TSHR: variants seen among roughly 807,000 people sequenced by gnomAD.
TSHR encodes thyrotropin receptor.
In TSHR, 51 loss-of-function variants were observed where a neutral mutation model predicts 64.1. The observed-to-expected ratio is 0.80, with a 90% CI of 0.64 to 1.01. The LOEUF (loss-of-function observed/expected upper bound fraction) is 1.01. Among genes scored for constraint, TSHR ranks in the 50% least tolerant of loss-of-function variants. The pLI is 0.00. For missense variants in TSHR, 877 were observed against 942.8 expected, an observed-to-expected ratio of 0.93 and a Z score of 0.91; for synonymous variants, 361 against 361.9, an observed-to-expected ratio of 1.00 and a Z score of 0.03.
intron 7 of TSHR, among the ~76,000 whole-genome samples, chr14:81,096,930 G>GTGTC: frequency 6.6e-6 from 1 of 151,512 alleles, no homozygotes; most frequent in Admixed American, 6.6e-5. Flanking sequence ...CCTGGTGTGT[G>GTGTC]TGTGTGTGTG....
At chr14:81,084,994 C>T (rs1055214050) in intron 3 of TSHR, among the ~76,000 whole-genome samples, 4 of 152,172 alleles carry the variant, frequency 2.6e-5, no homozygotes, top group Non-Finnish European at 4.4e-5. Context: ...CAGAGTCTTG[C>T]TTTTTCGCCC....
intron 7 of TSHR, among the ~76,000 whole-genome samples, chr14:81,099,201 T>G (rs1889410527): frequency 6.6e-6 from 1 of 152,002 alleles, no homozygotes; most frequent in Non-Finnish European, 1.5e-5. Context: ...TAAAATACAT[T>G]ATCAGTCTTC....
rs200401152 is a variant in TSHR at position 80,955,850 on chromosome 14, T to C, written c.170T>C (p.Leu57Pro). The change falls in exon 1 of 10, where the codon CTG (leucine) becomes CCG (proline). Residue 57 changes from leucine (L) to proline (P), a missense_variant and splice_region_variant. Physicochemically the swap from Leu to Pro is moderately conservative, Grantham distance 98 (BLOSUM62 -3). Coordinates refer to ENST00000298171, the MANE Select transcript of TSHR (RefSeq NM_000369.5). The stretch of plus-strand genomic sequence containing the variant: ...AGCTTACCGCCCAGTACGCAGACTC[T>C]GTGAGTACCCGGGAGAGATCAGGGT... Reference protein sequence around the residue: ...IPSLPPSTQTLKLIETHLRTI... With the variant: ...IPSLPPSTQTPKLIETHLRTI... The C allele has an allele frequency of 5.0e-6, 8 of 1,614,032 alleles. No homozygotes were observed. Among genetic ancestry groups the C allele is most frequent in the South Asian group, 1.1e-5 (1 of 91,090 alleles).
At chr14:81,123,792 A>C (rs1890903909) in intron 8 of TSHR, among the ~76,000 whole-genome samples, 1 of 152,258 alleles carries the variant, frequency 6.6e-6, no homozygotes, top group African/African-American at 2.4e-5. Context: ...TGTTTTTCAA[A>C]AAGACTTATA....
chr14:80,997,365 A>G (rs1889077456), intron 1 of TSHR, among the ~76,000 whole-genome samples: 1 of 152,164 alleles, frequency 6.6e-6, no homozygotes, highest in Non-Finnish European at 1.5e-5. Flanking sequence ...ACCCCTCCCT[A>G]TCTCTCTTTA....
intron 1 of TSHR, chr14:80,958,142 A>G (rs955904209): frequency 2.6e-5 from 4 of 151,430 alleles, no homozygotes; most frequent in African/African-American, 9.7e-5. Context: ...GAGAAGTAAA[A>G]CATGTAAAGC....
At chr14:81,121,412 A>G (rs1226895960) in intron 8 of TSHR, among the ~76,000 whole-genome samples, 1 of 152,228 alleles carries the variant, frequency 6.6e-6, no homozygotes, top group Non-Finnish European at 1.5e-5. Flanking sequence ...GATTGATAAA[A>G]TAAAGATATT....
intron 2 of TSHR, among the ~76,000 whole-genome samples, chr14:81,064,586 T>C (rs543790977): frequency 6.6e-6 from 1 of 152,220 alleles, no homozygotes; most frequent in Admixed American, 6.5e-5. Flanking sequence ...CATGTCCCCA[T>C]GGAGTTTCCA....
intron 9 of TSHR, among the ~76,000 whole-genome samples, chr14:81,140,208 T>C (rs1225053860): frequency 6.6e-6 from 1 of 152,104 alleles, no homozygotes; most frequent in Non-Finnish European, 1.5e-5. Flanking sequence ...CTGCAACACA[T>C]ATTAGACCCC....
At chr14:81,025,663 A>G (rs1054136177) in intron 1 of TSHR, among the ~76,000 whole-genome samples, 1 of 152,210 alleles carries the variant, frequency 6.6e-6, no homozygotes, top group African/African-American at 2.4e-5. Flanking sequence ...TAAATCACTG[A>G]ACCTTCTAGG....
intron 8 of TSHR, among the ~76,000 whole-genome samples, chr14:81,121,234 A>G (rs1025788914): frequency 1.3e-5 from 2 of 152,130 alleles, no homozygotes; most frequent in Non-Finnish European, 2.9e-5. Flanking sequence ...TCAATGGGAT[A>G]AAAATAATAA....
At chr14:81,012,375 A>G (rs886162471) in intron 1 of TSHR, 2 of 151,548 alleles carry the variant, frequency 1.3e-5, no homozygotes, top group African/African-American at 2.4e-5. Context: ...AGTCTTTGCT[A>G]TTGTGAATAA....
At chr14:80,977,270 A>T (rs908541691) in intron 1 of TSHR, among the ~76,000 whole-genome samples, 1 of 152,248 alleles carries the variant, frequency 6.6e-6, no homozygotes, top group Non-Finnish European at 1.5e-5. Flanking sequence ...CTACCATGAC[A>T]ATAATTCACA....
At chr14:81,084,275 T>C (rs1888120711) in intron 3 of TSHR, among the ~76,000 whole-genome samples, 1 of 152,236 alleles carries the variant, frequency 6.6e-6, no homozygotes, top group Non-Finnish European at 1.5e-5. Context: ...GCACATATTT[T>C]AATGTTATTT....
intron 1 of TSHR, among the ~76,000 whole-genome samples, chr14:80,973,222 A>C (rs960990708): frequency 1.3e-5 from 2 of 151,660 alleles, no homozygotes; most frequent in Non-Finnish European, 2.9e-5. Context: ...TGGCTAACAC[A>C]GTGAAACCCC....
chr14:81,092,699 C>G (rs1373139904), intron 6 of TSHR, 91 bp downstream of exon 6: 2 of 1,128,212 alleles, frequency 1.8e-6, no homozygotes, highest in Non-Finnish European at 2.7e-6. Flanking sequence ...GCCATACTGC[C>G]TTATCATATA....
chr14:80,972,295 T>A (rs182960978), intron 1 of TSHR, among the ~76,000 whole-genome samples: 1 of 151,808 alleles, frequency 6.6e-6, no homozygotes, highest in Admixed American at 6.6e-5. Context: ...TTCTGTGGGG[T>A]TTTTTTTGCT....
At chr14:81,026,613 T>C (rs902095474) in intron 1 of TSHR, among the ~76,000 whole-genome samples, 1 of 152,062 alleles carries the variant, frequency 6.6e-6, no homozygotes, top group Non-Finnish European at 1.5e-5. Context: ...GACCTTTCTG[T>C]GTTAGGACTC....
At chr14:81,051,743 G>A (rs1299132258) in intron 1 of TSHR, 2 of 152,104 alleles carry the variant, frequency 1.3e-5, no homozygotes, top group East Asian at 1.9e-4. Flanking sequence ...TACAGGTGCA[G>A]GGTGATGTCT....
Sources: allele counts gnomAD v4.1 joint callset (sites outside exome capture counted in the v4.1 genomes callset), GRCh38; gene constraint gnomAD v4.1.1; transcripts MANE v1.5; gene names NCBI Gene and HGNC (gene_info 2026-07-23, HGNC 2026-07-21).